The following RBMS1 variants were observed in gnomAD, a reference collection of about 807,000 sequenced individuals.
RBMS1 encodes RNA-binding motif, single-stranded-interacting protein 1.
In RBMS1, 17 loss-of-function variants were observed where a neutral mutation model predicts 62.3. That is an observed-to-expected ratio of 0.27 (90% CI 0.19 to 0.41). The LOEUF is 0.41. Ranked by LOEUF, RBMS1 falls within the 10% of genes least tolerant of loss-of-function variation. The probability of loss-of-function intolerance (pLI) is 1.00; values close to 1 mark genes in which losing one functional copy is unlikely to be tolerated. For synonymous variants in RBMS1, 172 were observed against 170.0 expected (o/e 1.01, Z -0.09); for missense variants, 334 against 504.5 (o/e 0.66, Z 3.24).
chr2:160,415,452 T>C lies in RBMS1; in HGVS notation c.76-48061A>G, dbSNP rs117346119. ...TTCTGATCACATCCACTCTTGCTAC[T>C]AGGACCTGGGAAGAGACAGAAAGTA... On this transcript the variant is annotated intron_variant, in intron 1 of 13. Transcript: ENST00000348849. Among the ~76,000 whole-genome samples, 273 of 152,116 alleles carry C rather than the reference T, an allele frequency of 1.8e-3. 6 individuals carry two copies. In the East Asian group the frequency reaches 0.05, roughly 28 times the overall value.
At chr2:160,404,075 T>G (rs1288873950) in intron 1 of RBMS1, among the ~76,000 whole-genome samples, 2 of 152,242 alleles carry the variant, frequency 1.3e-5, no homozygotes, top group African/African-American at 4.8e-5. Context: ...ATTTGCTTAA[T>G]GAACACCATA....
intron 1 of RBMS1, among the ~76,000 whole-genome samples, chr2:160,477,776 T>G (rs1379539756): frequency 6.6e-6 from 1 of 152,216 alleles, no homozygotes; most frequent in Admixed American, 6.5e-5. Context: ...CCTTTTAGAC[T>G]TTATATCTTT....
chr2:160,470,990 T>A (rs568002848), intron 1 of RBMS1, among the ~76,000 whole-genome samples: 3 of 152,322 alleles, frequency 2.0e-5, no homozygotes, highest in South Asian at 4.1e-4. Context: ...TATAGCACCC[T>A]ACCCTTTCAT....
At chr2:160,442,510 G>A (rs1034905164) in intron 1 of RBMS1, among the ~76,000 whole-genome samples, 2 of 152,124 alleles carry the variant, frequency 1.3e-5, no homozygotes, top group Admixed American at 1.3e-4. Context: ...CAACATTCTA[G>A]TAGAACTAGC....
At chr2:160,364,496 A>AGT (rs1293421692) in intron 2 of RBMS1, among the ~76,000 whole-genome samples, 4 of 127,872 alleles carry the variant, frequency 3.1e-5, no homozygotes, top group Non-Finnish European at 6.9e-5. Context: ...CTCCTACCCC[A>AGT]CATGCCTCCT....
At chr2:160,435,985 A>G (rs1683093718) in intron 1 of RBMS1, among the ~76,000 whole-genome samples, 3 of 152,358 alleles carry the variant, frequency 2.0e-5, no homozygotes, top group Admixed American at 1.3e-4. Flanking sequence ...CATGAGTCCA[A>G]GAGATTATCA....
chr2:160,284,719 CAG>C (rs769926583), intron 9 of RBMS1, 54 bp downstream of exon 9: 6 of 1,288,322 alleles, frequency 4.7e-6, no homozygotes, highest in Middle Eastern at 3.7e-4. Context: ...AAAAATGTAG[CAG>C]AGATTCATGG....
At position 160,311,236 on chromosome 2, in the gene RBMS1, A is replaced by ATATCTATATATCTATATATATC. The variant is rs1303110202; in HGVS notation, c.402+1919_402+1920insGATATATATAGATATATAGATA. 4.5e-3 allele frequency among the ~76,000 whole-genome samples: 276 copies of ATATCTATATATCTATATATATC among 60,700 alleles called. 7 individuals carry two copies. Among genetic ancestry groups the ATATCTATATATCTATATATATC allele is most frequent in the Non-Finnish European group, 8.4e-3 (232 of 27,710 alleles). The allele number at this position is 60,700 out of a possible 152,430, so 39.8% of individuals were successfully genotyped here. A position where few individuals can be genotyped will look rare whatever the true frequency, so the allele number is the denominator to read the frequency against. On this transcript the variant is annotated intron_variant, in intron 4 of 13. Coordinates refer to ENST00000348849, the MANE Select transcript of RBMS1 (RefSeq NM_016836.4). ...TCTATCTATCTATCTATCTATCTATATATATATATATATATATATATAGTC... is the reference window on the plus strand; with the variant it reads ...TCTATCTATCTATCTATCTATCTATATATCTATATATCTATATATATCTATATATATATATATATATATAGTC...
intron 1 of RBMS1, among the ~76,000 whole-genome samples, chr2:160,458,914 C>T (rs1684355912): frequency 6.6e-6 from 1 of 152,130 alleles, no homozygotes. Context: ...ACACTGCATT[C>T]ACTTTAGATG....
At chr2:160,386,245 G>A (rs1305574559) in intron 1 of RBMS1, among the ~76,000 whole-genome samples, 1 of 152,164 alleles carries the variant, frequency 6.6e-6, no homozygotes, top group Non-Finnish European at 1.5e-5. Flanking sequence ...TAGTATAGAA[G>A]GTGGGGCCTT....
chr2:160,424,211 G>C (rs1421574220), intron 1 of RBMS1, among the ~76,000 whole-genome samples: 1 of 151,662 alleles, frequency 6.6e-6, no homozygotes, highest in Non-Finnish European at 1.5e-5. Context: ...GCAGAGACAG[G>C]TTTCACCATG....
intron 5 of RBMS1, among the ~76,000 whole-genome samples, chr2:160,303,072 C>T (rs550742269): frequency 1.3e-5 from 2 of 152,286 alleles, no homozygotes; most frequent in South Asian, 2.1e-4. Flanking sequence ...GACACACACA[C>T]GTTCAGAACT....
chr2:160,318,420 G>A (rs1168515122), intron 2 of RBMS1, among the ~76,000 whole-genome samples, 193 bp from the exon 3 acceptor site: 1 of 152,108 alleles, frequency 6.6e-6, no homozygotes, highest in African/African-American at 2.4e-5. Context: ...AAAAGGGAAT[G>A]GCTAGGCCTC....
intron 1 of RBMS1, among the ~76,000 whole-genome samples, chr2:160,460,400 G>A (rs973181982): frequency 2.6e-5 from 4 of 152,192 alleles, no homozygotes; most frequent in African/African-American, 9.7e-5. Context: ...CCTGGCAACA[G>A]CTCTGCAAAG....
intron 5 of RBMS1, 62 bp from the exon 6 acceptor site, chr2:160,300,792 G>A (rs62177260): frequency 0.072 from 103,500 of 1,434,144 alleles, 4,120 homozygotes; most frequent in South Asian, 0.13. Flanking sequence ...CATCTTGTTC[G>A]GTGCATGCAT....
chr2:160,491,897 G>A (rs932807506), intron 1 of RBMS1, among the ~76,000 whole-genome samples: 9 of 152,172 alleles, frequency 5.9e-5, no homozygotes, highest in African/African-American at 1.9e-4. Flanking sequence ...CCATCTTGCT[G>A]CTTTCTGGTG....
intron 1 of RBMS1, among the ~76,000 whole-genome samples, chr2:160,441,410 A>G (rs2105303758): frequency 6.6e-6 from 1 of 152,278 alleles, no homozygotes; most frequent in South Asian, 2.1e-4. Context: ...CATACCAGGT[A>G]AATGTATTAA....
At chr2:160,436,184 G>A (rs1430478876) in intron 1 of RBMS1, among the ~76,000 whole-genome samples, 3 of 152,156 alleles carry the variant, frequency 2.0e-5, no homozygotes, top group Non-Finnish European at 4.4e-5. Context: ...GTCTCTGCTC[G>A]AATTTGGGCT....
chr2:160,448,718 C>T (rs1337616908), intron 1 of RBMS1, among the ~76,000 whole-genome samples: 2 of 152,196 alleles, frequency 1.3e-5, no homozygotes, highest in South Asian at 4.2e-4. Flanking sequence ...GCCGCCAACC[C>T]GTCTGGGAAG....
Sources: allele counts gnomAD v4.1 joint callset (sites outside exome capture counted in the v4.1 genomes callset), GRCh38; gene constraint gnomAD v4.1.1; transcripts MANE v1.5; gene names NCBI Gene and HGNC (gene_info 2026-07-23, HGNC 2026-07-21).